The following PUM2 variants were observed in gnomAD, a reference collection of about 807,000 sequenced individuals.
PUM2 encodes the protein pumilio homolog 2.
PUM2 carries 57 observed loss-of-function variants against 124.5 expected under a neutral mutation model. The ratio of observed to expected loss-of-function variants is 0.46; its 90% CI spans 0.37 to 0.57. PUM2 has a LOEUF of 0.57. Among genes scored for constraint, PUM2 ranks in the 20% least tolerant of loss-of-function variants. The probability of loss-of-function intolerance (pLI) is 0.00; values close to 1 mark genes in which losing one functional copy is unlikely to be tolerated. For synonymous variants in PUM2, 460 were observed against 446.1 expected (o/e 1.03, Z -0.39); for missense variants, 1,065 against 1,290.6 (o/e 0.83, Z 2.68).
intron 1 of PUM2, among the ~76,000 whole-genome samples, chr2:20,330,552 T>C (rs533747019): frequency 2.0e-4 from 31 of 152,354 alleles, no homozygotes; most frequent in Admixed American, 7.2e-4. Flanking sequence ...TACAGATAGC[T>C]GAACTCTTGG....
At position 20,338,453 on chromosome 2, in the gene PUM2, C is replaced by T. The variant is rs541607784; in HGVS notation, c.-18-11075G>A. Among the ~76,000 whole-genome samples, 9 of 152,238 alleles carry T rather than the reference C, an allele frequency of 5.9e-5. No individual in the cohort carries two copies. In the South Asian group the frequency reaches 1.7e-3, roughly 28 times the overall value. ...ATTGTTTACCACTTATCCCTTCATG[C>T]GCAAATCCCACAAATTCCTCAAAGT... On this transcript the variant is annotated intron_variant, in intron 1 of 20. Transcript: ENST00000361078.
In PUM2 at chr2:20,263,297, G is replaced by A. The variant is rs1347819374; in HGVS notation, c.2121C>T (p.Arg707=). 3.7e-6 allele frequency: 6 copies of A among 1,613,828 alleles called. No individual in the cohort carries two copies. In the Admixed American group the frequency reaches 6.7e-5, roughly 18 times the overall value. ...YNRSDIMPSG[R]SRLLEDFRNN... is the part of the protein sequence containing the mutation. ...TTCTGAAATCTTCCAATAATCTACT[G>A]CGGCCAGAAGGCATAATATCAGACC... is the stretch of plus-strand genomic sequence containing the variant. Residue 707 remains arginine (R), a synonymous_variant, in exon 14 of 21, where the codon CGC becomes CGT. Transcript: ENST00000361078.
chr2:20,330,271 C>T (rs190044000), intron 1 of PUM2, among the ~76,000 whole-genome samples: 90 of 152,194 alleles, frequency 5.9e-4, no homozygotes, highest in Non-Finnish European at 1.0e-3. Flanking sequence ...TACTGTAAAA[C>T]GTATTTTTGG....
Position 20,283,026 on chromosome 2 carries a change from T to A in PUM2, c.1641A>T (p.Gly547=). The A allele has an allele frequency of 2.5e-6, 4 of 1,614,088 alleles. No homozygotes were observed. The highest frequency in any genetic ancestry group is 3.4e-6 in the Non-Finnish European group (4 of 1,180,018). Residue 547 remains glycine (G), a synonymous_variant, in exon 12 of 21, where the codon GGA becomes GGT. Transcript: ENST00000361078. ...SLFSHGPGQP[G]STSLGFGSGN... is the part of the protein sequence containing the mutation. ...CACTTCCAAAGCCAAGAGATGTACT[T>A]CCAGGTTGACCAGGTCCATGAGAAA...
chr2:20,304,485 C>T (rs1677744708), intron 7 of PUM2, among the ~76,000 whole-genome samples: 1 of 152,148 alleles, frequency 6.6e-6, no homozygotes, highest in African/African-American at 2.4e-5. Context: ...ATTTGAAATT[C>T]CTATTTCAGC....
At chr2:20,307,440 T>A (rs1166256156) in intron 7 of PUM2, among the ~76,000 whole-genome samples, 1 of 152,128 alleles carries the variant, frequency 6.6e-6, no homozygotes, top group Non-Finnish European at 1.5e-5. Flanking sequence ...TGCATCAATA[T>A]CATATTACTG....
intron 14 of PUM2, 109 bp downstream of exon 14, chr2:20,263,084 C>A: frequency 9.2e-7 from 1 of 1,087,794 alleles, no homozygotes; most frequent in South Asian, 1.7e-5. Flanking sequence ...AATTTTAGCT[C>A]TTAAAAGCTT....
At chr2:20,265,866 C>CAT (rs138287912) in intron 13 of PUM2, among the ~76,000 whole-genome samples, 55,120 of 151,814 alleles carry the variant, frequency 0.36, 10,106 homozygotes, top group Middle Eastern at 0.42. Flanking sequence ...TTACCTCAAA[C>CAT]ACCCTTAATG....
intron 7 of PUM2, among the ~76,000 whole-genome samples, chr2:20,304,535 T>C (rs771694919): frequency 1.3e-5 from 2 of 152,266 alleles, no homozygotes; most frequent in Non-Finnish European, 2.9e-5. Flanking sequence ...GCAATATTTA[T>C]GCATCATCTA....
Position 20,294,415 on chromosome 2 carries a change from A to T in PUM2, c.1113T>A (p.Ser371Arg). The T allele has an allele frequency of 6.2e-7, 1 of 1,614,144 alleles. No individual in the cohort carries two copies. The highest frequency in any genetic ancestry group is 8.5e-7 in the Non-Finnish European group (1 of 1,180,030). ...GCTGAGCTTGTGATGCTGCTTGCTG[A>T]CTGGCTGTGTTATTTGCCGCAGCTG... ...QAAAAANNTA[S>R]QQAASQAQPG... Residue 371 changes from serine (S) to arginine (R), a missense_variant, in exon 9 of 21, where the codon AGT (serine) becomes AGA (arginine). Ser to Arg is a moderately radical substitution (Grantham distance 110, BLOSUM62 -1). Coordinates refer to ENST00000361078, the MANE Select transcript of PUM2 (RefSeq NM_015317.5).
chr2:20,253,070 G>C (rs1214669032), intron 20 of PUM2, among the ~76,000 whole-genome samples: 1 of 152,226 alleles, frequency 6.6e-6, no homozygotes, highest in African/African-American at 2.4e-5. Context: ...TGGCACAGGA[G>C]TGGGTGGGTC....
chr2:20,336,828 C>T (rs961903413), intron 1 of PUM2, among the ~76,000 whole-genome samples: 1 of 148,726 alleles, frequency 6.7e-6, no homozygotes, highest in Admixed American at 6.8e-5. Flanking sequence ...CACCATGTTG[C>T]CCAGGCTGAT....
At chr2:20,261,160 G>A (rs1385741098) in intron 14 of PUM2, among the ~76,000 whole-genome samples, 10 of 152,052 alleles carry the variant, frequency 6.6e-5, no homozygotes, top group African/African-American at 2.4e-4. Context: ...GGAGGCAGAG[G>A]TGGGTGGATC....
At chr2:20,346,118 C>T (rs1688201469) in intron 1 of PUM2, among the ~76,000 whole-genome samples, 1 of 152,160 alleles carries the variant, frequency 6.6e-6, no homozygotes, top group South Asian at 2.1e-4. Context: ...TAATAAATTA[C>T]ACTTCCATTG....
intron 14 of PUM2, among the ~76,000 whole-genome samples, chr2:20,261,801 C>T (rs896420052): frequency 2.0e-5 from 3 of 152,154 alleles, no homozygotes; most frequent in African/African-American, 4.8e-5. Flanking sequence ...GAAATATTTT[C>T]GTACAGCTGT....
At chr2:20,347,573 T>C (rs1688492988) in intron 1 of PUM2, among the ~76,000 whole-genome samples, 1 of 152,260 alleles carries the variant, frequency 6.6e-6, no homozygotes, top group Admixed American at 6.5e-5. Context: ...CCTGTCTATA[T>C]ATATTGCCAA....
In PUM2 at chr2:20,327,237, T is replaced by TAAA. The variant is rs879174062; in HGVS notation, c.51+70_51+72dup. 4.4e-6 allele frequency: 4 copies of TAAA among 906,610 alleles called. No homozygotes were observed. In the African/African-American group the frequency reaches 5.3e-5, roughly 12 times the overall value. 56.2% of individuals were successfully genotyped at this position (906,610 alleles called of 1,614,324 possible). On this transcript the variant is annotated intron_variant, in intron 2 of 20. Transcript: ENST00000361078. ...CACTATTTCCAGGAAGGGAGATGGT[T>TAAA]AAAAAAAAAAAATAAGTTACAATGG...
intron 15 of PUM2, among the ~76,000 whole-genome samples, chr2:20,258,650 CTTTTTTTTTTT>C (rs1057217780): frequency 1.5e-4 from 14 of 93,860 alleles, no homozygotes; most frequent in African/African-American, 3.7e-4. Context: ...AACCCTTCAT[CTTTTTTTTTTT>C]TTTTTTTTTT....
chr2:20,272,357 T>C (rs1294964475), intron 13 of PUM2, among the ~76,000 whole-genome samples: 5 of 152,168 alleles, frequency 3.3e-5, no homozygotes, highest in African/African-American at 9.7e-5. Flanking sequence ...TATGTGTATG[T>C]GTGGTGTGAA....
Sources: gnomAD v4.1 joint callset for allele counts (sites outside exome capture counted in the v4.1 genomes callset) on GRCh38, gnomAD v4.1.1 for gene constraint, MANE v1.5 for transcripts, NCBI Gene and HGNC (gene_info 2026-07-23, HGNC 2026-07-21) for gene names.